Variants in TYW1B observed in about 807,000 individuals in gnomAD.
TYW1B encodes S-adenosyl-L-methionine-dependent tRNA 4-demethylwyosine synthase TYW1B.
TYW1B carries 73 observed loss-of-function variants against 86.9 expected under a neutral mutation model. That is an observed-to-expected ratio of 0.84 (90% confidence interval 0.70 to 1.02). The LOEUF (loss-of-function observed/expected upper bound fraction) is 1.02, where lower values mean the gene tolerates loss of function less well. Ranked by LOEUF, TYW1B falls within the 50% of genes least tolerant of loss-of-function variation. TYW1B has a pLI of 0.00. For synonymous variants in TYW1B, 248 were observed against 292.8 expected, an observed-to-expected ratio of 0.85 and a Z score of 1.56; for missense variants, 637 against 827.4, an observed-to-expected ratio of 0.77 and a Z score of 2.82.
At chr7:72,820,874 G>A (rs1199125598) in intron 2 of TYW1B, among the ~76,000 whole-genome samples, 27 of 152,294 alleles carry the variant, frequency 1.8e-4, no homozygotes, top group Middle Eastern at 3.4e-3. Flanking sequence ...ATATCATGGC[G>A]GTGTCAAAGC....
intron 7 of TYW1B, among the ~76,000 whole-genome samples, chr7:72,750,876 GATC>G (rs1284503382): frequency 6.6e-6 from 1 of 152,074 alleles, no homozygotes; most frequent in African/African-American, 2.4e-5. Flanking sequence ...TATTTCCTTT[GATC>G]ATCATGTCAG....
intron 6 of TYW1B, among the ~76,000 whole-genome samples, chr7:72,780,942 ATT>A (rs1689523797): frequency 1.3e-5 from 2 of 151,972 alleles, no homozygotes; most frequent in South Asian, 4.2e-4. Context: ...AGATCCATAT[ATT>A]TTTGTGTATT....
At chr7:72,647,257 T>C (rs1407275962) in intron 11 of TYW1B, among the ~76,000 whole-genome samples, 2 of 152,222 alleles carry the variant, frequency 1.3e-5, no homozygotes, top group African/African-American at 4.8e-5. Flanking sequence ...GGTGGGAGTG[T>C]AATTCAGTAC....
intron 7 of TYW1B, among the ~76,000 whole-genome samples, chr7:72,774,062 CAAAAAAA>C (rs35480783): frequency 1.8e-5 from 1 of 54,852 alleles, no homozygotes. Context: ...AACTCCATCT[CAAAAAAA>C]AAAAAAAAAA....
rs1283457058 is a variant in TYW1B at position 72,697,734 on chromosome 7, A to G, written c.1371-2912T>C. Reference sequence around the variant, plus strand: ...ATATCCTCTGCTCTCCCAAAAAAAGACAATATTTAAGATAGACAACCTTAA... The same window carrying G: ...ATATCCTCTGCTCTCCCAAAAAAAGGCAATATTTAAGATAGACAACCTTAA... On this transcript the variant is annotated intron_variant, in intron 10 of 13. Transcript: ENST00000620995. Among the ~76,000 whole-genome samples, 6 of 152,346 alleles carry G rather than the reference A, an allele frequency of 3.9e-5. No individual in the cohort carries two copies. In the East Asian group the frequency reaches 7.7e-4, roughly 20 times the overall value.
At chr7:72,577,530 G>A (rs1399896602) in intron 13 of TYW1B, among the ~76,000 whole-genome samples, 6 of 152,124 alleles carry the variant, frequency 3.9e-5, no homozygotes, top group African/African-American at 7.2e-5. Context: ...ACTGAGCCTC[G>A]AAACTGCAGA....
At position 72,787,396 on chromosome 7, in the gene TYW1B, G is replaced by A. The variant is rs1188492402; in HGVS notation, c.847-9863C>T. ...GAGAACTGCTTGAACCCAGGAGGCA[G>A]AGGTTGCAGTGAGCCAAGATTGCAC... On this transcript the variant is annotated intron_variant, in intron 6 of 13. Coordinates refer to ENST00000620995, the MANE Select transcript of TYW1B (RefSeq NM_001145440.3). 3.3e-5 allele frequency among the ~76,000 whole-genome samples: 5 copies of A among 151,752 alleles called. No homozygotes were observed. The South Asian group carries it at 6.3e-4, about 19-fold the overall frequency.
At chr7:72,630,326 C>T (rs1483821785) in intron 11 of TYW1B, among the ~76,000 whole-genome samples, 1 of 151,842 alleles carries the variant, frequency 6.6e-6, no homozygotes, top group Non-Finnish European at 1.5e-5. Context: ...AAGTGAGACC[C>T]ACCCCTTGAG....
intron 11 of TYW1B, among the ~76,000 whole-genome samples, chr7:72,657,716 A>T (rs3015895): frequency 0.65 from 97,807 of 149,492 alleles, 28,133 homozygotes; most frequent in Middle Eastern, 0.73. Flanking sequence ...ACTGCTTATC[A>T]AAAATACTAC....
chr7:72,747,583 C>T (rs1391867391), intron 7 of TYW1B, among the ~76,000 whole-genome samples: 4 of 152,204 alleles, frequency 2.6e-5, no homozygotes, highest in African/African-American at 9.6e-5. Flanking sequence ...AAAACTGTGA[C>T]AGCACAGTAA....
rs564356723 is a variant in TYW1B at position 72,768,254 on chromosome 7, A to T, written c.964+9162T>A. On this transcript the variant is annotated intron_variant, in intron 7 of 13. Coordinates refer to ENST00000620995, the MANE Select transcript of TYW1B (RefSeq NM_001145440.3). Reference sequence around the variant, plus strand: ...AGACCCTACCTCAAAAAAAAAAAAAATTTTAAAAAATGGCTTCTTCCATAC... The same window carrying T: ...AGACCCTACCTCAAAAAAAAAAAAATTTTTAAAAAATGGCTTCTTCCATAC... Among the ~76,000 whole-genome samples, 392 of 151,878 alleles carry T rather than the reference A, an allele frequency of 2.6e-3. 1 individual carries two copies. Among genetic ancestry groups the T allele is most frequent in the African/African-American group, 8.3e-3 (342 of 41,422 alleles).
chr7:72,707,092 T>G (rs1341719611), intron 10 of TYW1B, among the ~76,000 whole-genome samples: 1 of 152,246 alleles, frequency 6.6e-6, no homozygotes, highest in Non-Finnish European at 1.5e-5. Flanking sequence ...GGCCATCGAC[T>G]CCTCCTGTCC....
chr7:72,597,339 C>T (rs1168323646), intron 13 of TYW1B, among the ~76,000 whole-genome samples: 1 of 151,914 alleles, frequency 6.6e-6, no homozygotes, highest in Admixed American at 6.6e-5. Context: ...AAAGTTATGG[C>T]CCCAAATGTC....
At chr7:72,755,485 G>C (rs1787571050) in intron 7 of TYW1B, among the ~76,000 whole-genome samples, 1 of 152,170 alleles carries the variant, frequency 6.6e-6, no homozygotes. Flanking sequence ...AGACCAGCCT[G>C]GGAGACATGG....
chr7:72,583,931 A>AGAGACCGTGGCCATTACAT (rs1811214973), intron 13 of TYW1B, among the ~76,000 whole-genome samples: 1 of 152,272 alleles, frequency 6.6e-6, no homozygotes, highest in Admixed American at 6.5e-5. Context: ...AGGGTGTTAA[A>AGAGACCGTGGCCATTACAT]GAGACCGTGG....
intron 2 of TYW1B, 83 bp from the exon 3 acceptor site, chr7:72,815,564 T>A: frequency 7.9e-7 from 1 of 1,260,090 alleles, no homozygotes; most frequent in Non-Finnish European, 1.1e-6. Flanking sequence ...CACAAGAATG[T>A]GGCATTCCTC....
intron 11 of TYW1B, among the ~76,000 whole-genome samples, chr7:72,647,414 C>A (rs1241512406): frequency 1.3e-5 from 2 of 152,168 alleles, no homozygotes; most frequent in East Asian, 3.9e-4. Context: ...CATGTTTATT[C>A]TAGCTTTATA....
chr7:72,603,366 GGATA>G (rs1374401368), intron 13 of TYW1B, among the ~76,000 whole-genome samples: 5 of 151,666 alleles, frequency 3.3e-5, no homozygotes, highest in African/African-American at 1.2e-4. Flanking sequence ...ACGAATGGAC[GGATA>G]GACAGATGAT....
intron 13 of TYW1B, among the ~76,000 whole-genome samples, chr7:72,599,491 C>T (rs1218556438): frequency 2.0e-5 from 3 of 152,088 alleles, no homozygotes; most frequent in Non-Finnish European, 4.4e-5. Flanking sequence ...GCAAGGATGT[C>T]CCCTCTCACC....
Sources: allele counts gnomAD v4.1 joint callset (sites outside exome capture counted in the v4.1 genomes callset), GRCh38; gene constraint gnomAD v4.1.1; transcripts MANE v1.5; gene names NCBI Gene and HGNC (gene_info 2026-07-23, HGNC 2026-07-21).